Variants in GALNTL6 observed in about 807,000 individuals in gnomAD.
The protein encoded by GALNTL6 is polypeptide N-acetylgalactosaminyltransferase like 6.
GALNTL6 carries 46 observed loss-of-function variants against 73.7 expected under a neutral mutation model. The observed-to-expected ratio is 0.62, with a 90% CI of 0.49 to 0.80. GALNTL6 has a LOEUF of 0.80. GALNTL6 is among the 30% of genes least tolerant of loss of function. The probability of loss-of-function intolerance (pLI) is 0.00; values close to 1 mark genes in which losing one functional copy is unlikely to be tolerated. For synonymous variants in GALNTL6, 259 were observed against 263.7 expected (o/e 0.98, Z 0.17); for missense variants, 604 against 755.0 (o/e 0.80, Z 2.34).
chr4:172,857,930 T>C (rs1245867524), intron 7 of GALNTL6, among the ~76,000 whole-genome samples: 1 of 152,212 alleles, frequency 6.6e-6, no homozygotes. Context: ...TGTCCCTGAT[T>C]ACTCTGCAGG....
At chr4:171,957,527 A>G (rs1739086578) in intron 2 of GALNTL6, among the ~76,000 whole-genome samples, 2 of 152,214 alleles carry the variant, frequency 1.3e-5, no homozygotes, top group African/African-American at 4.8e-5. Flanking sequence ...AGATGGTGTC[A>G]CCTTCATTAA....
Position 172,687,566 on chromosome 4 carries a change from T to C in GALNTL6, c.554-121795T>C, listed in dbSNP as rs548868318. 4.5e-4 allele frequency among the ~76,000 whole-genome samples: 66 copies of C among 147,216 alleles called. 1 individual carries two copies. In the East Asian group the frequency reaches 0.013, roughly 30 times the overall value. ...TCGCTTGAACCCGGGAGGCAGAGGT[T>C]GCAGTGAGCCAAGATCGCGCCACTG... On this transcript the variant is annotated intron_variant, in intron 5 of 12. Transcript: ENST00000506823.
chr4:172,939,332 C>A (rs1748796413), intron 9 of GALNTL6, among the ~76,000 whole-genome samples: 1 of 152,098 alleles, frequency 6.6e-6, no homozygotes, highest in Non-Finnish European at 1.5e-5. Context: ...ATAACACCCT[C>A]TACTTAGAAG....
At chr4:171,929,937 C>T (rs913379196) in intron 2 of GALNTL6, among the ~76,000 whole-genome samples, 3 of 152,208 alleles carry the variant, frequency 2.0e-5, no homozygotes, top group African/African-American at 7.2e-5. Context: ...ATGTCTGCCC[C>T]GTGTCCCCAG....
At chr4:172,406,505 TC>T (rs1331322567) in intron 5 of GALNTL6, among the ~76,000 whole-genome samples, 1 of 152,010 alleles carries the variant, frequency 6.6e-6, no homozygotes, top group Non-Finnish European at 1.5e-5. Context: ...ATGGCTTTAG[TC>T]TATTAGCTGC....
chr4:172,640,573 G>A (rs571519102), intron 5 of GALNTL6, among the ~76,000 whole-genome samples: 89 of 152,218 alleles, frequency 5.8e-4, no homozygotes, highest in Admixed American at 5.0e-3. Context: ...GCCACTCTCC[G>A]TGGCTTGCAG....
rs186132612 is a variant in GALNTL6 at position 172,662,116 on chromosome 4, T to C, written c.554-147245T>C. Among the ~76,000 whole-genome samples the C allele has an allele frequency of 2.0e-5, 3 of 152,116 alleles. No individual in the cohort carries two copies. The East Asian group carries it at 5.8e-4, about 29-fold the overall frequency. On this transcript the variant is annotated intron_variant, in intron 5 of 12. Transcript: ENST00000506823. ...AATAAGATCCCCAGATAATTGGTGTTCACATTAAATTTGAGAAGCAGCTGG... is the reference window on the plus strand; with the variant it reads ...AATAAGATCCCCAGATAATTGGTGTCCACATTAAATTTGAGAAGCAGCTGG...
intron 5 of GALNTL6, among the ~76,000 whole-genome samples, chr4:172,777,416 C>T (rs1234912086): frequency 2.0e-5 from 3 of 152,040 alleles, no homozygotes; most frequent in Non-Finnish European, 4.4e-5. Flanking sequence ...ACCTCTCTGA[C>T]CTTAGATATA....
rs2110840313 is a variant in GALNTL6 at position 171,839,379 on chromosome 4, T to C, written c.138+24661T>C. Among the ~76,000 whole-genome samples the C allele has an allele frequency of 2.6e-5, 4 of 152,294 alleles. 1 individual carries two copies. In the Middle Eastern group the frequency reaches 0.014, roughly 518 times the overall value. On this transcript the variant is annotated intron_variant, in intron 2 of 12. Transcript: ENST00000506823. ...AATTTATCTGGAAGGCAAAATTTTA[T>C]AGGACACTTTTTGGGATATCTGTTG...
intron 5 of GALNTL6, among the ~76,000 whole-genome samples, chr4:172,445,634 C>A (rs1731991656): frequency 6.6e-6 from 1 of 152,040 alleles, no homozygotes; most frequent in Non-Finnish European, 1.5e-5. Context: ...TAAGTAAATG[C>A]CTTTCTTTCC....
chr4:172,824,488 G>A (rs1387628894), intron 7 of GALNTL6, among the ~76,000 whole-genome samples: 1 of 151,908 alleles, frequency 6.6e-6, no homozygotes, highest in Admixed American at 6.6e-5. Context: ...TTATTTATAT[G>A]TGTATGTGAG....
intron 9 of GALNTL6, among the ~76,000 whole-genome samples, chr4:172,931,957 T>C (rs980962689): frequency 3.3e-5 from 5 of 152,240 alleles, no homozygotes; most frequent in Non-Finnish European, 7.3e-5. Context: ...CTGCTTTCCA[T>C]ATTACTTTCT....
intron 12 of GALNTL6, among the ~76,000 whole-genome samples, chr4:173,025,316 T>C (rs571607455): frequency 1.3e-5 from 2 of 152,248 alleles, no homozygotes; most frequent in African/African-American, 4.8e-5. Context: ...GTAAAAATAT[T>C]TGTCCTCACC....
At chr4:172,473,405 T>C (rs1404054278) in intron 5 of GALNTL6, among the ~76,000 whole-genome samples, 1 of 152,196 alleles carries the variant, frequency 6.6e-6, no homozygotes, top group Non-Finnish European at 1.5e-5. Flanking sequence ...AAGAGTTATG[T>C]ATCATATACA....
At chr4:171,840,217 A>G (rs1289301044) in intron 2 of GALNTL6, among the ~76,000 whole-genome samples, 1 of 152,178 alleles carries the variant, frequency 6.6e-6, no homozygotes, top group East Asian at 1.9e-4. Context: ...TCTTGGCCCT[A>G]CTATAGCCAA....
intron 2 of GALNTL6, among the ~76,000 whole-genome samples, chr4:171,991,199 C>A (rs573484267): frequency 6.6e-6 from 1 of 152,084 alleles, no homozygotes; most frequent in South Asian, 2.1e-4. Context: ...TAGTCATAGA[C>A]CTTTAAGAAA....
At chr4:172,682,882 C>CT in intron 5 of GALNTL6, among the ~76,000 whole-genome samples, 1 of 151,932 alleles carries the variant, frequency 6.6e-6, no homozygotes, top group East Asian at 1.9e-4. Flanking sequence ...CTGAGCCACT[C>CT]TTGTGCACTA....
intron 2 of GALNTL6, among the ~76,000 whole-genome samples, chr4:172,197,362 C>T (rs1166123374): frequency 6.6e-6 from 1 of 152,144 alleles, no homozygotes; most frequent in Non-Finnish European, 1.5e-5. Context: ...AATGACCATA[C>T]TGCCCAAAGT....
At chr4:171,831,902 G>A (rs581083) in intron 2 of GALNTL6, among the ~76,000 whole-genome samples, 149,474 of 151,538 alleles carry the variant, frequency 0.99, 73,752 homozygotes, top group Middle Eastern at 1. Context: ...TACACTTTTA[G>A]GTAACTACCC....
Sources: allele counts gnomAD v4.1 joint callset (sites outside exome capture counted in the v4.1 genomes callset), GRCh38; gene constraint gnomAD v4.1.1; transcripts MANE v1.5; gene names NCBI Gene and HGNC (gene_info 2026-07-23, HGNC 2026-07-21).